Variants in PLCB4 observed in about 807,000 individuals in gnomAD.
The protein encoded by PLCB4 is 1-phosphatidylinositol 4,5-bisphosphate phosphodiesterase beta-4.
PLCB4 carries 77 observed loss-of-function variants against 178.8 expected under a neutral mutation model. The observed-to-expected ratio is 0.43, with a 90% confidence interval of 0.36 to 0.52. The LOEUF (loss-of-function observed/expected upper bound fraction) is 0.52, where lower values mean the gene tolerates loss of function less well. Among genes scored for constraint, PLCB4 ranks in the 20% least tolerant of loss-of-function variants. PLCB4 has a pLI of 0.00. For missense variants in PLCB4, 1,024 were observed against 1,453.4 expected (o/e 0.70, Z 4.80); for synonymous variants, 496 against 490.8 (o/e 1.01, Z -0.14).
chr20:9,216,998 T>G (rs1182211376), intron 2 of PLCB4, among the ~76,000 whole-genome samples: 1 of 152,244 alleles, frequency 6.6e-6, no homozygotes, highest in Middle Eastern at 3.2e-3. Flanking sequence ...AATTCTGTTA[T>G]AAAAAGAGTT....
intron 2 of PLCB4, among the ~76,000 whole-genome samples, chr20:9,160,678 C>T (rs1051090160): frequency 1.3e-5 from 2 of 152,008 alleles, no homozygotes; most frequent in Non-Finnish European, 2.9e-5. Context: ...TTTTCTAGAC[C>T]GAGGTAATGG....
At chr20:9,244,433 A>G (rs1476840574) in intron 3 of PLCB4, among the ~76,000 whole-genome samples, 1 of 152,224 alleles carries the variant, frequency 6.6e-6, no homozygotes, top group African/African-American at 2.4e-5. Context: ...ATCAAAATTA[A>G]GGATCAATTA....
At position 9,408,067 on chromosome 20, in the gene PLCB4, A is replaced by G; in HGVS notation, c.1789+9A>G. On this transcript the variant is annotated intron_variant, in intron 22 of 39. Transcript: ENST00000378473. Reference sequence around the variant, plus strand: ...TTTCCATGTGGCAGAAGGTAACACCAAAGGTTAAATGCAGTCGCCTTTTTT... The same window carrying G: ...TTTCCATGTGGCAGAAGGTAACACCGAAGGTTAAATGCAGTCGCCTTTTTT... The G allele has an allele frequency of 1.2e-6, 2 of 1,607,468 alleles. No individual in the cohort carries two copies. Among genetic ancestry groups the G allele is most frequent in the Non-Finnish European group, 1.7e-6 (2 of 1,177,418 alleles).
chr20:9,434,815 G>C (rs1234235598), intron 28 of PLCB4, among the ~76,000 whole-genome samples: 1 of 152,154 alleles, frequency 6.6e-6, no homozygotes, highest in African/African-American at 2.4e-5. Context: ...GATTCTGTTA[G>C]GGAAAACTTT....
intron 12 of PLCB4, among the ~76,000 whole-genome samples, chr20:9,373,626 T>C (rs2036432891): frequency 6.6e-6 from 1 of 152,236 alleles, no homozygotes; most frequent in African/African-American, 2.4e-5. Context: ...CTTGAGTTCC[T>C]GGGTGAAAAT....
chr20:9,238,971 A>G (rs998454240), intron 3 of PLCB4, among the ~76,000 whole-genome samples: 1 of 152,232 alleles, frequency 6.6e-6, no homozygotes, highest in Non-Finnish European at 1.5e-5. Flanking sequence ...CTGTAATCTA[A>G]GTTAAATCTT....
At chr20:9,258,656 A>C (rs1250403188) in intron 3 of PLCB4, among the ~76,000 whole-genome samples, 1 of 147,088 alleles carries the variant, frequency 6.8e-6, no homozygotes, top group East Asian at 2.0e-4. Flanking sequence ...CGGAGGTTGC[A>C]GTGAGCCAAG....
intron 36 of PLCB4, among the ~76,000 whole-genome samples, chr20:9,471,142 G>T (rs1164875975): frequency 1.3e-5 from 2 of 151,984 alleles, no homozygotes; most frequent in Admixed American, 1.3e-4. Context: ...ATGTGTAGAG[G>T]GTAGTTAAAG....
chr20:9,074,807 T>TAAACAAAACA (rs138068127), intron 1 of PLCB4, among the ~76,000 whole-genome samples: 38 of 123,452 alleles, frequency 3.1e-4, no homozygotes, highest in Non-Finnish European at 5.0e-4. Flanking sequence ...TTTTTTTTTT[T>TAAACAAAACA]AAACAAAACA....
At chr20:9,387,286 C>A (rs2037760026) in intron 14 of PLCB4, among the ~76,000 whole-genome samples, 177 bp from the exon 15 acceptor site, 1 of 152,130 alleles carries the variant, frequency 6.6e-6, no homozygotes, top group Admixed American at 6.5e-5. Context: ...ATAATACCAA[C>A]CAGATGAGGA....
intron 39 of PLCB4, among the ~76,000 whole-genome samples, chr20:9,477,301 G>A (rs1317652443): frequency 6.6e-6 from 1 of 152,150 alleles, no homozygotes; most frequent in Non-Finnish European, 1.5e-5. Flanking sequence ...GGATAGTTTT[G>A]AGAGTGAAAG....
chr20:9,378,876 G>A (rs1420286350), intron 12 of PLCB4, among the ~76,000 whole-genome samples: 1 of 152,134 alleles, frequency 6.6e-6, no homozygotes, highest in East Asian at 1.9e-4. Context: ...CATTCATTCT[G>A]TGTATAGCTC....
Position 9,468,977 on chromosome 20 carries a change from AT to A in PLCB4, c.3350+316del, listed in dbSNP as rs11482173. Among the ~76,000 whole-genome samples, 367 of 146,690 alleles carry A rather than the reference AT, an allele frequency of 2.5e-3. 1 individual carries two copies. The highest frequency in any genetic ancestry group is 5.8e-3 in the African/African-American group (232 of 40,260). ...TATAATTCTTTTTTTTATTTTATTC[AT>A]TTTTTTTTTTGCTTGTTTGTTTTGA... On this transcript the variant is annotated intron_variant, in intron 36 of 39. Transcript: ENST00000378473.
At chr20:9,473,527 A>G (rs1023453227) in intron 38 of PLCB4, among the ~76,000 whole-genome samples, 162 bp downstream of exon 38, 1 of 152,202 alleles carries the variant, frequency 6.6e-6, no homozygotes, top group Non-Finnish European at 1.5e-5. Context: ...CCAAAAAGAA[A>G]AGAAAGTACC....
chr20:9,396,153 A>G (rs1046805310), intron 19 of PLCB4, among the ~76,000 whole-genome samples: 1 of 152,226 alleles, frequency 6.6e-6, no homozygotes, highest in Non-Finnish European at 1.5e-5. Context: ...TTGGCCATTC[A>G]GCTATTCAGC....
chr20:9,352,208 C>CT (rs1305775230), intron 7 of PLCB4, among the ~76,000 whole-genome samples: 1 of 152,178 alleles, frequency 6.6e-6, no homozygotes, highest in African/African-American at 2.4e-5. Context: ...GGTCTGTGGA[C>CT]TTTCAGGCAC....
intron 30 of PLCB4, among the ~76,000 whole-genome samples, chr20:9,438,267 G>A (rs1411905046): frequency 4.6e-5 from 7 of 152,010 alleles, no homozygotes; most frequent in Non-Finnish European, 1.0e-4. Context: ...TCAGGAGGCT[G>A]AGGCAGGAGA....
chr20:9,278,044 G>A (rs1240561981), intron 3 of PLCB4, among the ~76,000 whole-genome samples: 1 of 151,996 alleles, frequency 6.6e-6, no homozygotes, highest in Non-Finnish European at 1.5e-5. Context: ...GCCACCCAGA[G>A]TGAATGTTTT....
In PLCB4 at chr20:9,337,188, A is replaced by G; in HGVS notation, c.147A>G (p.Thr49=). ...FKVDEFGFFL[T]WRSEGKEGQV... is the part of the protein sequence containing the mutation. The stretch of plus-strand genomic sequence containing the variant: ...TGGATGAGTTTGGCTTCTTTCTGAC[A>G]TGGAGAAGTGAAGGCAAGGTATGGC... Residue 49 remains threonine, a synonymous_variant, in exon 5 of 40, where the codon ACA becomes ACG. Coordinates refer to ENST00000378473, the MANE Select transcript of PLCB4 (RefSeq NM_001377142.1). 3 of 1,612,846 alleles carry G rather than the reference A, an allele frequency of 1.9e-6. No homozygotes were observed. The highest frequency in any genetic ancestry group is 1.1e-5 in the South Asian group (1 of 91,048).
Sources: allele counts gnomAD v4.1 joint callset (sites outside exome capture counted in the v4.1 genomes callset), GRCh38; gene constraint gnomAD v4.1.1; transcripts MANE v1.5; gene names NCBI Gene and HGNC (gene_info 2026-07-23, HGNC 2026-07-21).